The following DIAPH3 variants were observed in gnomAD, a reference collection of about 807,000 sequenced individuals.
The protein encoded by DIAPH3 is protein diaphanous homolog 3.
A neutral mutation model predicts 144.3 loss-of-function variants in DIAPH3; 117 were observed. The observed-to-expected ratio is 0.81, with a 90% confidence interval of 0.70 to 0.95. The LOEUF is 0.95. Among genes scored for constraint, DIAPH3 ranks in the 40% least tolerant of loss-of-function variants. DIAPH3 has a pLI of 0.00. For missense variants in DIAPH3, 1,421 were observed against 1,412.7 expected (o/e 1.01, Z -0.09); for synonymous variants, 519 against 488.9 (o/e 1.06, Z -0.81).
chr13:60,092,136 A>G (rs1434823402), intron 4 of DIAPH3, among the ~76,000 whole-genome samples: 1 of 152,106 alleles, frequency 6.6e-6, no homozygotes, highest in African/African-American at 2.4e-5. Flanking sequence ...TCTGATAATG[A>G]GTCCACTATG....
Position 59,960,991 on chromosome 13 carries a change from T to G in DIAPH3, c.2074+8953A>C, listed in dbSNP as rs1203939170. Reference sequence around the variant, plus strand: ...ACATACATAAAAATGAAACTAGATATACAGAATAATCTATTATTATTTTCT... The same window carrying G: ...ACATACATAAAAATGAAACTAGATAGACAGAATAATCTATTATTATTTTCT... On this transcript the variant is annotated intron_variant, in intron 17 of 27. Coordinates refer to ENST00000400324, the MANE Select transcript of DIAPH3 (RefSeq NM_001042517.2). Among the ~76,000 whole-genome samples the G allele has an allele frequency of 2.0e-5, 3 of 152,294 alleles. No homozygotes were observed. The South Asian group carries it at 6.2e-4, about 32-fold the overall frequency.
chr13:59,971,552 G>T (rs1257950045), intron 15 of DIAPH3, among the ~76,000 whole-genome samples: 1 of 152,118 alleles, frequency 6.6e-6, no homozygotes, highest in South Asian at 2.1e-4. Context: ...ATGACAAAGG[G>T]TCTATGCACA....
intron 17 of DIAPH3, among the ~76,000 whole-genome samples, chr13:59,944,485 T>C (rs780248153): frequency 2.6e-5 from 4 of 152,092 alleles, no homozygotes; most frequent in Non-Finnish European, 4.4e-5. Flanking sequence ...TTGACTAAAA[T>C]ATAGATGAAT....
At chr13:59,789,274 A>G (rs2039206232) in intron 25 of DIAPH3, among the ~76,000 whole-genome samples, 1 of 152,198 alleles carries the variant, frequency 6.6e-6, no homozygotes, top group African/African-American at 2.4e-5. Context: ...GGTTAATTAC[A>G]TGGCACAGCA....
intron 5 of DIAPH3, among the ~76,000 whole-genome samples, chr13:60,036,064 C>G (rs1449433913): frequency 6.6e-6 from 1 of 152,178 alleles, no homozygotes; most frequent in African/African-American, 2.4e-5. Context: ...CCTCCCTTAG[C>G]CTCATCCTGC....
intron 1 of DIAPH3, among the ~76,000 whole-genome samples, chr13:60,162,625 C>CTT (rs530078973): frequency 1.1e-3 from 166 of 152,174 alleles, no homozygotes; most frequent in Non-Finnish European, 1.9e-3. Context: ...TCTGATATAT[C>CTT]TCATGTATCA....
intron 4 of DIAPH3, among the ~76,000 whole-genome samples, chr13:60,073,180 G>A (rs1374808598): frequency 6.6e-6 from 1 of 151,944 alleles, no homozygotes; most frequent in Non-Finnish European, 1.5e-5. Flanking sequence ...GTGGTGGCAG[G>A]TGCCTGTAAT....
chr13:60,085,235 T>C (rs996774963), intron 4 of DIAPH3, among the ~76,000 whole-genome samples: 2 of 152,160 alleles, frequency 1.3e-5, no homozygotes, highest in African/African-American at 4.8e-5. Flanking sequence ...AGAGAATTTC[T>C]TAGCAGCTAC....
At chr13:60,136,837 G>A (rs188788561) in intron 1 of DIAPH3, among the ~76,000 whole-genome samples, 339 of 152,244 alleles carry the variant, frequency 2.2e-3, no homozygotes, top group African/African-American at 7.6e-3. Context: ...CTACTCGGGA[G>A]GCTGAGACAG....
intron 7 of DIAPH3, among the ~76,000 whole-genome samples, chr13:60,012,488 T>A (rs879829703): frequency 6.6e-6 from 1 of 152,228 alleles, no homozygotes; most frequent in Non-Finnish European, 1.5e-5. Flanking sequence ...TGCTAATCAT[T>A]CCAGGGAATT....
chr13:59,673,942 T>C (rs968639218), intron 27 of DIAPH3, among the ~76,000 whole-genome samples: 4 of 151,878 alleles, frequency 2.6e-5, no homozygotes, highest in African/African-American at 4.8e-5. Flanking sequence ...ACAGGAAGTA[T>C]AGTACTTTCC....
At chr13:59,982,228 C>T (rs2051063558) in intron 13 of DIAPH3, among the ~76,000 whole-genome samples, 1 of 151,390 alleles carries the variant, frequency 6.6e-6, no homozygotes, top group Non-Finnish European at 1.5e-5. Flanking sequence ...GCACGCATCA[C>T]TTATACAACC....
At chr13:59,962,060 A>T (rs1485453794) in intron 17 of DIAPH3, among the ~76,000 whole-genome samples, 4 of 152,146 alleles carry the variant, frequency 2.6e-5, no homozygotes, top group Non-Finnish European at 5.9e-5. Flanking sequence ...GAAATATTTC[A>T]TTACATGTAT....
chr13:60,108,172 A>G (rs2058470315), intron 3 of DIAPH3, among the ~76,000 whole-genome samples: 1 of 152,224 alleles, frequency 6.6e-6, no homozygotes, highest in Non-Finnish European at 1.5e-5. Flanking sequence ...ATGGGAAGAC[A>G]GATATCTAAA....
intron 24 of DIAPH3, among the ~76,000 whole-genome samples, chr13:59,817,670 G>T (rs920184343): frequency 6.6e-6 from 1 of 151,614 alleles, no homozygotes; most frequent in Non-Finnish European, 1.5e-5. Context: ...CCATCTATTT[G>T]TCTAGCTTTA....
At chr13:59,675,666 A>C (rs887813505) in intron 27 of DIAPH3, among the ~76,000 whole-genome samples, 3 of 152,170 alleles carry the variant, frequency 2.0e-5, no homozygotes, top group Non-Finnish European at 4.4e-5. Context: ...CAACAATCCC[A>C]AAGTGCAGGT....
At chr13:59,798,879 T>C (rs2039746380) in intron 25 of DIAPH3, among the ~76,000 whole-genome samples, 1 of 151,434 alleles carries the variant, frequency 6.6e-6, no homozygotes, top group Admixed American at 6.6e-5. Flanking sequence ...AGTCCAAGAG[T>C]GGAGGTGTCT....
intron 27 of DIAPH3, among the ~76,000 whole-genome samples, chr13:59,730,602 G>C (rs2035850565): frequency 6.6e-6 from 1 of 152,194 alleles, no homozygotes; most frequent in Non-Finnish European, 1.5e-5. Flanking sequence ...TATAGACTTA[G>C]TTAAAGGTAA....
chr13:60,092,363 T>TA (rs946761318), intron 4 of DIAPH3, among the ~76,000 whole-genome samples: 2 of 152,040 alleles, frequency 1.3e-5, no homozygotes, highest in Middle Eastern at 3.4e-3. Context: ...TATAGAGAGC[T>TA]AAAAAAAGGC....
Sources: allele counts gnomAD v4.1 joint callset (sites outside exome capture counted in the v4.1 genomes callset), GRCh38; gene constraint gnomAD v4.1.1; transcripts MANE v1.5; gene names NCBI Gene and HGNC (gene_info 2026-07-23, HGNC 2026-07-21).